The following FAM186A variants were observed in gnomAD, a reference collection of about 807,000 sequenced individuals.
The protein encoded by FAM186A is family with sequence similarity 186 member A, also known as protein FAM186A.
A neutral mutation model predicts 216.8 loss-of-function variants in FAM186A; 163 were observed. The observed-to-expected ratio is 0.75, with a 90% CI of 0.66 to 0.86. The LOEUF is 0.86. Ranked by LOEUF, FAM186A falls within the 40% of genes least tolerant of loss-of-function variation. FAM186A has a pLI of 0.00. For missense variants in FAM186A, 2,184 were observed against 2,746.2 expected (o/e 0.80, Z 4.58); for synonymous variants, 805 against 1,025.3 (o/e 0.79, Z 4.10).
intron 1 of FAM186A, among the ~76,000 whole-genome samples, chr12:50,382,381 A>G (rs1943261750): frequency 6.6e-6 from 1 of 152,004 alleles, no homozygotes; most frequent in Non-Finnish European, 1.5e-5. Flanking sequence ...TCACTTTAGC[A>G]TGCTTTTTAA....
At chr12:50,367,824 A>G (rs1943105220) in intron 1 of FAM186A, among the ~76,000 whole-genome samples, 1 of 152,164 alleles carries the variant, frequency 6.6e-6, no homozygotes, top group Non-Finnish European at 1.5e-5. Context: ...AGAAATTAAG[A>G]AAACAATGCC....
chr12:50,350,291 A>G, intron 4 of FAM186A, 38 bp downstream of exon 4: 1 of 1,469,642 alleles, frequency 6.8e-7, no homozygotes, highest in South Asian at 1.4e-5. Context: ...TGCAATCAGA[A>G]CTAAACCAGA....
At chr12:50,384,245 G>A (rs978518867) in intron 1 of FAM186A, among the ~76,000 whole-genome samples, 1 of 151,846 alleles carries the variant, frequency 6.6e-6, no homozygotes, top group Admixed American at 6.6e-5. Context: ...AGACCAGCCC[G>A]GGCAACATAG....
chr12:50,355,874 G>T lies in FAM186A; in HGVS notation c.958C>A (p.Leu320Ile), dbSNP rs1211519663. The T allele has an allele frequency of 6.4e-7, 1 of 1,551,214 alleles. No individual in the cohort carries two copies. The highest frequency in any genetic ancestry group is 2.0e-5 in the Admixed American group (1 of 50,952). Residue 320 changes from leucine (L) to isoleucine (I), a missense_variant, in exon 4 of 8, where the codon CTT (leucine) becomes ATT (isoleucine). Leu to Ile is a conservative substitution (Grantham distance 5). Transcript: ENST00000327337. Reference sequence around the variant, plus strand: ...TCACATTTTTCTTCTGCATCTTGAAGTTTCTGCTGAAGCATTTCATTTTCG... The same window carrying T: ...TCACATTTTTCTTCTGCATCTTGAATTTTCTGCTGAAGCATTTCATTTTCG... ...SNENEMLQQK[L>I]QDAEEKCEQL...
intron 4 of FAM186A, among the ~76,000 whole-genome samples, chr12:50,348,415 G>A (rs543807442): frequency 1.3e-5 from 2 of 151,732 alleles, no homozygotes; most frequent in African/African-American, 4.8e-5. Flanking sequence ...TAGAGATGAG[G>A]TTTCACCATG....
At chr12:50,376,885 C>T (rs1469377697) in intron 1 of FAM186A, among the ~76,000 whole-genome samples, 4 of 151,824 alleles carry the variant, frequency 2.6e-5, no homozygotes, top group African/African-American at 4.8e-5. Flanking sequence ...GGACTACAGA[C>T]GAGTGCCACC....
At chr12:50,365,650 AAATG>A (rs148585199) in intron 1 of FAM186A, 442,199 of 673,538 alleles carry the variant, frequency 0.66, 147,260 homozygotes, top group Admixed American at 0.76. Context: ...GGAGTGGCCA[AAATG>A]AAGTTCAGTC....
In FAM186A at chr12:50,334,009, A is replaced by G. The variant is rs1471528175; in HGVS notation, c.6598T>C (p.Tyr2200His). The G allele has an allele frequency of 3.9e-6, 6 of 1,551,676 alleles. No individual in the cohort carries two copies. The highest frequency in any genetic ancestry group is 2.4e-5 in the South Asian group (2 of 84,060). ...LHMMLSRLDDYGKKVMQVWTE... is the reference protein window; with the variant it reads ...LHMMLSRLDDHGKKVMQVWTE... ...CAGACCTGCATCACCTTTTTCCCGT[A>G]GTCATCAAGTCTGCTCAGCATCATG... The change falls in exon 5 of 8, where the codon TAC becomes CAC. Residue 2200 changes from tyrosine to histidine, a missense_variant. This residue lies in a region of FAM186A where 721 missense variants were observed against 816.4 expected (regional missense o/e 0.88). Coordinates refer to ENST00000327337, the MANE Select transcript of FAM186A (RefSeq NM_001145475.3).
At chr12:50,360,105 G>T (rs140887681) in intron 3 of FAM186A, among the ~76,000 whole-genome samples, 1,704 of 151,900 alleles carry the variant, frequency 0.011, 29 homozygotes, top group African/African-American at 0.037. Context: ...TTAGCCAGGC[G>T]TGGTGGCAGG....
chr12:50,329,848 G>C (rs532837109), intron 7 of FAM186A, among the ~76,000 whole-genome samples: 1 of 151,992 alleles, frequency 6.6e-6, no homozygotes. Context: ...CACCCGCCTC[G>C]GCCTCCCAAA....
intron 1 of FAM186A, among the ~76,000 whole-genome samples, chr12:50,384,384 C>G (rs980566937): frequency 6.6e-5 from 10 of 152,054 alleles, no homozygotes; most frequent in Non-Finnish European, 1.3e-4. Flanking sequence ...ATTATTGCAC[C>G]ACTGCACTAT....
chr12:50,376,096 G>A (rs1328457772), intron 1 of FAM186A, among the ~76,000 whole-genome samples: 6 of 152,190 alleles, frequency 3.9e-5, no homozygotes, highest in Admixed American at 2.0e-4. Flanking sequence ...AGCAGGTTCT[G>A]CTGCAGGCAC....
intron 1 of FAM186A, among the ~76,000 whole-genome samples, chr12:50,387,338 G>A (rs1323835467): frequency 6.6e-6 from 1 of 152,192 alleles, no homozygotes; most frequent in African/African-American, 2.4e-5. Context: ...TTGTGGAAGG[G>A]GAATGGAGCT....
chr12:50,371,857 G>A (rs1943144871), intron 1 of FAM186A, among the ~76,000 whole-genome samples: 1 of 151,986 alleles, frequency 6.6e-6, no homozygotes. Context: ...TTATTGCCCA[G>A]GTTGGAGTGC....
intron 1 of FAM186A, among the ~76,000 whole-genome samples, chr12:50,382,729 G>A (rs1349898841): frequency 6.6e-6 from 1 of 151,886 alleles, no homozygotes. Context: ...TAAATAAAAA[G>A]CAAAATAGAA....
rs551753514 is a variant in FAM186A at position 50,344,548 on chromosome 12, T to A, written c.6503+5781A>T. Reference sequence around the variant, plus strand: ...GTGTACCTAGGTTGATTCCATGTCTTTGTGAATAATGCTGCAATGAGCAGA... The same window carrying A: ...GTGTACCTAGGTTGATTCCATGTCTATGTGAATAATGCTGCAATGAGCAGA... On this transcript the variant is annotated intron_variant, in intron 4 of 7. Coordinates refer to ENST00000327337, the MANE Select transcript of FAM186A (RefSeq NM_001145475.3). 3.1e-4 allele frequency among the ~76,000 whole-genome samples: 47 copies of A among 152,304 alleles called. 2 individuals carry two copies. The South Asian group carries it at 9.5e-3, about 31-fold the overall frequency.
At chr12:50,391,876 G>A (rs1943360344) in intron 1 of FAM186A, among the ~76,000 whole-genome samples, 1 of 152,062 alleles carries the variant, frequency 6.6e-6, no homozygotes, top group South Asian at 2.1e-4. Flanking sequence ...TATAATGACT[G>A]GTACATGAAT....
intron 1 of FAM186A, among the ~76,000 whole-genome samples, chr12:50,383,738 C>T (rs955088341): frequency 6.6e-6 from 1 of 152,108 alleles, no homozygotes; most frequent in Non-Finnish European, 1.5e-5. Context: ...TTGCCATGTA[C>T]AGTATGTTCA....
At chr12:50,380,521 C>A (rs1270433639) in intron 1 of FAM186A, among the ~76,000 whole-genome samples, 62 of 76,384 alleles carry the variant, frequency 8.1e-4, no homozygotes, top group African/African-American at 1.1e-3. Context: ...ACTAAAAATA[C>A]AAAAAAAAAA....
Sources: allele counts gnomAD v4.1 joint callset (sites outside exome capture counted in the v4.1 genomes callset), GRCh38; gene constraint gnomAD v4.1.1; regional missense constraint gnomAD v4.1.1; transcripts MANE v1.5; gene names NCBI Gene and HGNC (gene_info 2026-07-23, HGNC 2026-07-21).